Variants in PTPRC observed in about 807,000 individuals in gnomAD.
The protein encoded by PTPRC is receptor-type tyrosine-protein phosphatase C.
Under a neutral mutation model 155.9 loss-of-function variants are expected in PTPRC, and 44 were observed. The observed-to-expected ratio is 0.28, with a 90% confidence interval of 0.22 to 0.36. The LOEUF (loss-of-function observed/expected upper bound fraction) is 0.36, where lower values mean the gene tolerates loss of function less well. Among genes scored for constraint, PTPRC ranks in the 10% least tolerant of loss-of-function variants. The probability of loss-of-function intolerance (pLI) is 1.00; values close to 1 mark genes in which losing one functional copy is unlikely to be tolerated. For synonymous variants in PTPRC, 525 were observed against 533.1 expected (o/e 0.98, Z 0.21); for missense variants, 1,401 against 1,564.6 (o/e 0.90, Z 1.76).
intron 25 of PTPRC, 87 bp from the exon 26 acceptor site, chr1:198,743,967 T>A (rs1029640078): frequency 7.6e-7 from 1 of 1,323,686 alleles, no homozygotes. Flanking sequence ...ATGAGCAAAT[T>A]TATGGGGAAT....
chr1:198,708,281 C>G lies in PTPRC; in HGVS notation c.1033+20C>G, dbSNP rs1264542806. 8.1e-6 allele frequency: 13 copies of G among 1,595,902 alleles called. No individual in the cohort carries two copies. The highest frequency in any genetic ancestry group is 1.1e-5 in the Non-Finnish European group (13 of 1,167,332). ...AGTGTGGTAAGAATATAACATTGAC[C>G]AGAGAATTTTTTTTTGTGGCACAAT... On this transcript the variant is annotated intron_variant, in intron 10 of 32. Transcript: ENST00000442510.
intron 2 of PTPRC, among the ~76,000 whole-genome samples, chr1:198,677,321 G>GA: frequency 6.6e-6 from 1 of 152,168 alleles, no homozygotes; most frequent in South Asian, 2.1e-4. Flanking sequence ...CAGTTTGTGA[G>GA]AGAGGGCCTT....
intron 16 of PTPRC, 33 bp from the exon 17 acceptor site, chr1:198,729,104 G>T: frequency 6.2e-7 from 1 of 1,606,456 alleles, no homozygotes; most frequent in African/African-American, 1.3e-5. Flanking sequence ...TGCTTCTTGA[G>T]AATATAGAAA....
upstream of PTPRC, chr1:198,638,769 CTGTT>C (rs994119464): frequency 9.6e-5 from 15 of 156,276 alleles, no homozygotes; most frequent in African/African-American, 3.4e-4. Flanking sequence ...TATGCTGAAT[CTGTT>C]TGTCATCTCT....
At chr1:198,683,104 C>T (rs770321444) in intron 2 of PTPRC, among the ~76,000 whole-genome samples, 1 of 152,102 alleles carries the variant, frequency 6.6e-6, no homozygotes, top group Non-Finnish European at 1.5e-5. Context: ...TTTATTTAGC[C>T]TTGCATACAC....
chr1:198,742,415 T>A, intron 25 of PTPRC, 48 bp downstream of exon 25: 1 of 1,599,230 alleles, frequency 6.3e-7, no homozygotes, highest in Non-Finnish European at 8.6e-7. Flanking sequence ...TTTTTGGACT[T>A]AAATCTTTTC....
intron 10 of PTPRC, among the ~76,000 whole-genome samples, chr1:198,709,176 C>T (rs1175076089): frequency 6.6e-6 from 1 of 152,098 alleles, no homozygotes; most frequent in East Asian, 1.9e-4. Context: ...ATCCAGAATC[C>T]AAAATGTTCT....
At chr1:198,692,559 C>T (rs1665986467) in intron 3 of PTPRC, 186 bp downstream of exon 3, 3 of 1,058,798 alleles carry the variant, frequency 2.8e-6, no homozygotes, top group Non-Finnish European at 3.6e-6. Context: ...TTAATAACTA[C>T]CTAAACATGT....
chr1:198,650,122 C>T (rs1663166330), intron 2 of PTPRC, among the ~76,000 whole-genome samples: 1 of 151,740 alleles, frequency 6.6e-6, no homozygotes, highest in South Asian at 2.1e-4. Context: ...GGTCAGGCAT[C>T]TGTAGTATGG....
chr1:198,722,588 A>C (rs1339820947), intron 15 of PTPRC, 112 bp downstream of exon 15: 1 of 494,606 alleles, frequency 2.0e-6, no homozygotes, highest in Non-Finnish European at 3.0e-6. Flanking sequence ...CTTAAATAAT[A>C]TCTCTTCCGT....
At chr1:198,715,938 A>G (rs1391107486) in intron 12 of PTPRC, among the ~76,000 whole-genome samples, 5 of 152,112 alleles carry the variant, frequency 3.3e-5, no homozygotes, top group Admixed American at 6.5e-5. Flanking sequence ...TTTTTTACTT[A>G]ACAAGTGCTA....
chr1:198,742,467 A>G, intron 25 of PTPRC, 100 bp downstream of exon 25: 2 of 1,394,986 alleles, frequency 1.4e-6, no homozygotes, highest in Non-Finnish European at 2.0e-6. Flanking sequence ...CAAATTCTTC[A>G]CAACCTCAAA....
intron 25 of PTPRC, among the ~76,000 whole-genome samples, chr1:198,743,067 C>CAAAAAAAAAAAAAAAAAAAAAAAAGAA (rs10628640): frequency 1.3e-5 from 1 of 75,950 alleles, no homozygotes; most frequent in Non-Finnish European, 2.5e-5. Flanking sequence ...GTCAAAATAG[C>CAAAAAAAAAAAAAAAAAAAAAAAAGAA]AAAAAAAAAA....
At chr1:198,667,268 T>TC (rs1664372017) in intron 2 of PTPRC, among the ~76,000 whole-genome samples, 1 of 152,034 alleles carries the variant, frequency 6.6e-6, no homozygotes, top group South Asian at 2.1e-4. Flanking sequence ...TGGGAAGGAG[T>TC]CCCTGAGAAA....
intron 27 of PTPRC, 47 bp downstream of exon 27, chr1:198,748,246 C>G (rs745699692): frequency 6.4e-7 from 1 of 1,556,904 alleles, no homozygotes; most frequent in Non-Finnish European, 8.7e-7. Context: ...AAGTTAAGCT[C>G]TTTTGGATTT....
chr1:198,689,976 A>G (rs930553895), intron 2 of PTPRC, among the ~76,000 whole-genome samples: 1 of 152,166 alleles, frequency 6.6e-6, no homozygotes, highest in African/African-American at 2.4e-5. Flanking sequence ...CTCCAACAGC[A>G]TACCAGCAAA....
chr1:198,699,975 G>A, intron 5 of PTPRC: 2 of 536,570 alleles, frequency 3.7e-6, no homozygotes, highest in Middle Eastern at 5.0e-4. Flanking sequence ...ATATATTTCA[G>A]GCAATTACCA....
At chr1:198,744,770 G>GT (rs1223639524) in intron 26 of PTPRC, among the ~76,000 whole-genome samples, 3 of 151,694 alleles carry the variant, frequency 2.0e-5, no homozygotes, top group South Asian at 2.1e-4. Flanking sequence ...AATGTTTTGT[G>GT]TTTTTTTTGT....
intron 20 of PTPRC, among the ~76,000 whole-genome samples, chr1:198,733,844 G>A (rs1390800570): frequency 6.6e-6 from 1 of 151,710 alleles, no homozygotes; most frequent in Non-Finnish European, 1.5e-5. Context: ...TTAAATAGTG[G>A]TAGATGATCC....
Sources: allele counts gnomAD v4.1 joint callset (sites outside exome capture counted in the v4.1 genomes callset), GRCh38; gene constraint gnomAD v4.1.1; transcripts MANE v1.5; gene names NCBI Gene and HGNC (gene_info 2026-07-23, HGNC 2026-07-21).